ARHGAP39: variants seen among roughly 807,000 people sequenced by gnomAD.
The protein encoded by ARHGAP39 is rho GTPase-activating protein 39.
Under a neutral mutation model 106.9 loss-of-function variants are expected in ARHGAP39, and 44 were observed. That is an observed-to-expected ratio of 0.41 (90% CI 0.32 to 0.53). The LOEUF (loss-of-function observed/expected upper bound fraction) is 0.53, where lower values mean the gene tolerates loss of function less well. Among genes scored for constraint, ARHGAP39 ranks in the 20% least tolerant of loss-of-function variants. The probability of loss-of-function intolerance (pLI) is 0.21; values close to 1 mark genes in which losing one functional copy is unlikely to be tolerated. For synonymous variants in ARHGAP39, 768 were observed against 693.2 expected, an observed-to-expected ratio of 1.11 and a Z score of -1.69; for missense variants, 1,496 against 1,577.3, an observed-to-expected ratio of 0.95 and a Z score of 0.87.
chr8:144,562,901 G>A (rs1818255493), intron 3 of ARHGAP39, among the ~76,000 whole-genome samples: 1 of 152,236 alleles, frequency 6.6e-6, no homozygotes, highest in Non-Finnish European at 1.5e-5. Context: ...GGACTCCAGT[G>A]GTTTCCTTGG....
chr8:144,610,506 T>A (rs1179939442), intron 1 of ARHGAP39, among the ~76,000 whole-genome samples: 1 of 151,516 alleles, frequency 6.6e-6, no homozygotes, highest in Non-Finnish European at 1.5e-5. Context: ...GATCAGGAAA[T>A]TGAGACCATC....
chr8:144,591,611 G>A lies in ARHGAP39; in HGVS notation c.81-10334C>T, dbSNP rs560074541. ...GGGAGGCCAGTGGTGCTGGGGGACA[G>A]GGTGCGTGCCAGAAGAGAGGCGAGG... On this transcript the variant is annotated intron_variant, in intron 2 of 11. Transcript: ENST00000377307. This position sits in a 1 kb window ranked among gnomAD's most constrained non-coding sequence, Gnocchi z 5.3. 6.6e-6 allele frequency among the ~76,000 whole-genome samples: 1 copy of A among 152,220 alleles called. No homozygotes were observed. The highest frequency in any genetic ancestry group is 1.5e-5 in the Non-Finnish European group (1 of 68,032).
intron 3 of ARHGAP39, among the ~76,000 whole-genome samples, chr8:144,559,340 A>G (rs11984627): frequency 0.091 from 11,965 of 131,856 alleles, 1,258 homozygotes; most frequent in African/African-American, 0.26. Flanking sequence ...CGGGTGACAG[A>G]GTGACTTTGT....
At chr8:144,617,320 C>A (rs902279630) in intron 1 of ARHGAP39, among the ~76,000 whole-genome samples, 1 of 152,000 alleles carries the variant, frequency 6.6e-6, no homozygotes, top group Non-Finnish European at 1.5e-5. Flanking sequence ...GGGCTTCTCA[C>A]CTGTCACTGA....
chr8:144,657,949 AC>A (rs1445797379), intron 1 of ARHGAP39, among the ~76,000 whole-genome samples: 10 of 152,238 alleles, frequency 6.6e-5, no homozygotes, highest in South Asian at 2.1e-4. Flanking sequence ...AAATAAAAAA[AC>A]AACAATATAA....
At chr8:144,602,661 T>A (rs548577200) in intron 2 of ARHGAP39, among the ~76,000 whole-genome samples, 12 of 134,458 alleles carry the variant, frequency 8.9e-5, no homozygotes, top group African/African-American at 3.3e-4. Context: ...CCTGTGTGCA[T>A]GGAGGCGTGC....
intron 1 of ARHGAP39, among the ~76,000 whole-genome samples, chr8:144,657,171 AT>A (rs1335435047): frequency 2.0e-5 from 3 of 152,160 alleles, no homozygotes; most frequent in Admixed American, 1.3e-4. Flanking sequence ...AGGTGGGTAG[AT>A]TGTTTGAACC....
intron 2 of ARHGAP39, among the ~76,000 whole-genome samples, chr8:144,597,123 T>A (rs530863531): frequency 6.6e-6 from 1 of 152,344 alleles, no homozygotes; most frequent in South Asian, 2.1e-4. Context: ...CCTGGCTGAC[T>A]GCCTGTGGAG....
chr8:144,686,309 C>G (rs193108223), upstream of ARHGAP39, among the ~76,000 whole-genome samples: 1 of 152,116 alleles, frequency 6.6e-6, no homozygotes, highest in Non-Finnish European at 1.5e-5. Context: ...GTTATTCTCA[C>G]CTTTTTAGTC....
chr8:144,599,562 C>A lies in ARHGAP39; in HGVS notation c.80+5973G>T, dbSNP rs544493786. Among the ~76,000 whole-genome samples the A allele has an allele frequency of 3.3e-5, 5 of 152,262 alleles. No individual in the cohort carries two copies. In the South Asian group the frequency reaches 1.0e-3, roughly 32 times the overall value. ...GTGCAGAAAGGGCACGGGGAAGAGG[C>A]CTGGCTGAATGTGCCTGTGTACGGT... On this transcript the variant is annotated intron_variant, in intron 2 of 11. Coordinates refer to ENST00000377307, the MANE Select transcript of ARHGAP39 (RefSeq NM_025251.3).
intron 1 of ARHGAP39, among the ~76,000 whole-genome samples, chr8:144,611,346 C>T (rs145092718): frequency 1.4e-4 from 22 of 152,120 alleles, no homozygotes; most frequent in Non-Finnish European, 2.6e-4. Flanking sequence ...AACGTGCTGC[C>T]GGGTGAAGTG....
intron 1 of ARHGAP39, among the ~76,000 whole-genome samples, chr8:144,617,616 A>C (rs1009004716): frequency 1.1e-4 from 17 of 150,652 alleles, no homozygotes; most frequent in Non-Finnish European, 2.4e-4. Context: ...GGAGCAGCTG[A>C]ACTCTGCCAG....
At chr8:144,672,248 T>A (rs1218485165) in intron 1 of ARHGAP39, among the ~76,000 whole-genome samples, 1 of 152,196 alleles carries the variant, frequency 6.6e-6, no homozygotes, top group East Asian at 1.9e-4. Flanking sequence ...AAACTTACAC[T>A]GCAGAGGCTT....
intron 3 of ARHGAP39, among the ~76,000 whole-genome samples, chr8:144,566,192 C>T (rs1406151585): frequency 2.6e-5 from 4 of 152,096 alleles, no homozygotes; most frequent in African/African-American, 9.7e-5. Flanking sequence ...CTACACGAAC[C>T]CCAGCACAAG....
intron 2 of ARHGAP39, among the ~76,000 whole-genome samples, chr8:144,593,680 A>G (rs1819490441): frequency 6.6e-6 from 1 of 152,156 alleles, no homozygotes; most frequent in Middle Eastern, 3.2e-3. Context: ...GAGGTTCACA[A>G]AGGACTCTCC....
intron 2 of ARHGAP39, among the ~76,000 whole-genome samples, chr8:144,601,230 A>G (rs1386612130): frequency 1.7e-5 from 2 of 118,312 alleles, no homozygotes; most frequent in Non-Finnish European, 3.4e-5. Flanking sequence ...GTGCAAGCTC[A>G]TGTACCTGTG....
At chr8:144,543,175 T>G (rs1817268602) in intron 6 of ARHGAP39, among the ~76,000 whole-genome samples, 1 of 152,122 alleles carries the variant, frequency 6.6e-6, no homozygotes, top group African/African-American at 2.4e-5. Flanking sequence ...AGGGTCTCAC[T>G]TTGTTGCCCA....
chr8:144,584,744 C>T (rs191615799), intron 2 of ARHGAP39, among the ~76,000 whole-genome samples: 1 of 152,202 alleles, frequency 6.6e-6, no homozygotes, highest in Non-Finnish European at 1.5e-5. Context: ...GCCTGGGTGA[C>T]AGAGCGAGAC....
rs1026088481 is a variant in ARHGAP39, at chr8:144,529,190, T to A, written c.*1232A>T. ...AACGGGAGGACGCGCAGGGTCCATG[T>A]GCACTTTATTCACTCGTGTCGTCGC... is the stretch of plus-strand genomic sequence containing the variant. On this transcript the variant is annotated 3_prime_UTR_variant, in exon 12 of 12. Coordinates refer to ENST00000377307, the MANE Select transcript of ARHGAP39 (RefSeq NM_025251.3). 1.1e-5 allele frequency: 4 copies of A among 365,034 alleles called. No homozygotes were observed. The highest frequency in any genetic ancestry group is 7.2e-4 in the Middle Eastern group (1 of 1,388). 22.6% of individuals were successfully genotyped at this position (365,034 alleles called of 1,614,324 possible). A position where few individuals can be genotyped will look rare whatever the true frequency, so the allele number is the denominator to read the frequency against.
Sources: allele counts gnomAD v4.1 joint callset (sites outside exome capture counted in the v4.1 genomes callset), GRCh38; gene constraint gnomAD v4.1.1; non-coding constraint Gnocchi (gnomAD v3.1); transcripts MANE v1.5; gene names NCBI Gene and HGNC (gene_info 2026-07-23, HGNC 2026-07-21).